FGD2: variants seen among roughly 807,000 people sequenced by gnomAD.
FGD2 encodes the protein FYVE, RhoGEF and PH domain containing 2, also known as FYVE, RhoGEF and PH domain-containing protein 2.
In FGD2, 52 loss-of-function variants were observed where a neutral mutation model predicts 75.9. That is an observed-to-expected ratio of 0.69 (90% CI 0.55 to 0.86). The LOEUF (loss-of-function observed/expected upper bound fraction) is 0.86, where lower values mean the gene tolerates loss of function less well. Ranked by LOEUF, FGD2 falls within the 40% of genes least tolerant of loss-of-function variation. The probability of loss-of-function intolerance (pLI) is 0.00; values close to 1 mark genes in which losing one functional copy is unlikely to be tolerated. For missense variants in FGD2, 790 were observed against 872.0 expected, an observed-to-expected ratio of 0.91 and a Z score of 1.18; for synonymous variants, 347 against 348.6, an observed-to-expected ratio of 1.00 and a Z score of 0.05.
At chr6:37,014,591 CCCAG>C in intron 6 of FGD2, 51 bp from the exon 7 acceptor site, 1 of 1,604,056 alleles carries the variant, frequency 6.2e-7, no homozygotes, top group Non-Finnish European at 8.5e-7. Context: ...GACCTCCTGC[CCCAG>C]CCACCAGCCC....
chr6:37,020,457 A>G (rs970578890), intron 9 of FGD2, 84 bp from the exon 10 acceptor site: 19 of 1,325,040 alleles, frequency 1.4e-5, no homozygotes, highest in Non-Finnish European at 2.0e-5. Flanking sequence ...CTTGGGCACA[A>G]TCCACCTCCC....
Position 37,022,380 on chromosome 6 carries a change from C to T in FGD2, c.1458+10C>T. 1.9e-6 allele frequency: 3 copies of T among 1,560,752 alleles called. No individual in the cohort carries two copies. The highest frequency in any genetic ancestry group is 2.6e-6 in the Non-Finnish European group (3 of 1,156,690). The stretch of plus-strand genomic sequence containing the variant: ...CCGGGCCTGCGGCTATGTGAGTACT[C>T]CTGCCAGCACTCCTGCCTCCACCTG... On this transcript the variant is annotated intron_variant, in intron 13 of 15. Coordinates refer to ENST00000274963, the MANE Select transcript of FGD2 (RefSeq NM_173558.4).
At chr6:37,019,681 G>T (rs1765469756) in intron 9 of FGD2, among the ~76,000 whole-genome samples, 1 of 152,104 alleles carries the variant, frequency 6.6e-6, no homozygotes, top group African/African-American at 2.4e-5. Flanking sequence ...TCTCACCCTT[G>T]GGGGCTGAAA....
chr6:37,019,222 C>A (rs1370425897), intron 9 of FGD2, among the ~76,000 whole-genome samples: 1 of 152,216 alleles, frequency 6.6e-6, no homozygotes, highest in Non-Finnish European at 1.5e-5. Flanking sequence ...GGCCTTTGGG[C>A]TACAGGTTTG....
chr6:37,012,307 C>T (rs1765050379), intron 4 of FGD2, among the ~76,000 whole-genome samples: 1 of 152,160 alleles, frequency 6.6e-6, no homozygotes, highest in South Asian at 2.1e-4. Context: ...TAGTTTGCCA[C>T]GAAGTCTAGG....
chr6:37,008,901 C>A lies in FGD2; in HGVS notation c.136C>A (p.Pro46Thr). Residue 46 changes from proline to threonine, a missense_variant, in exon 2 of 16, where the codon CCC becomes ACC. Pro to Thr is a conservative substitution (Grantham distance 38, BLOSUM62 -1). Transcript: ENST00000274963. Reference protein sequence around the residue: ...DVHHRPECRPPESPGPREKTN... With the variant: ...DVHHRPECRPTESPGPREKTN... ...GCATCACCGCCCTGAGTGCAGGCCT[C>A]CCGAGTCCCCAGGACCACGGGAGAA... 2 of 1,614,170 alleles carry A rather than the reference C, an allele frequency of 1.2e-6. No homozygotes were observed. The highest frequency in any genetic ancestry group is 1.7e-6 in the Non-Finnish European group (2 of 1,180,010).
intron 13 of FGD2, chr6:37,023,921 A>G (rs1765702320): frequency 6.6e-6 from 1 of 152,268 alleles, no homozygotes; most frequent in Non-Finnish European, 1.5e-5. Context: ...CTTAAGATAG[A>G]AAATATTCTG....
At chr6:37,008,264 C>T (rs569100502) in intron 1 of FGD2, among the ~76,000 whole-genome samples, 1 of 152,244 alleles carries the variant, frequency 6.6e-6, no homozygotes, top group South Asian at 2.1e-4. Flanking sequence ...ATTTGACTGG[C>T]TTGCAGAACC....
chr6:37,022,445 C>T, intron 13 of FGD2, 75 bp downstream of exon 13: 1 of 1,485,870 alleles, frequency 6.7e-7, no homozygotes, highest in Non-Finnish European at 8.9e-7. Flanking sequence ...AGGCCTCCAC[C>T]TTTCCTACCT....
intron 14 of FGD2, among the ~76,000 whole-genome samples, chr6:37,026,694 C>T (rs1255193294): frequency 2.0e-5 from 3 of 152,136 alleles, no homozygotes; most frequent in East Asian, 1.9e-4. Flanking sequence ...GAGATTCACT[C>T]CCAGGTTCAA....
Position 37,022,196 on chromosome 6 carries a change from G to A in FGD2, c.1327-43G>A, listed in dbSNP as rs1055993175. ...GCCCTGGGAGGATGGGCGGAAGAAGGTCACCAAGGGCCCATTCCTGCCCAA... is the reference window on the plus strand; with the variant it reads ...GCCCTGGGAGGATGGGCGGAAGAAGATCACCAAGGGCCCATTCCTGCCCAA... On this transcript the variant is annotated intron_variant, in intron 12 of 15. Coordinates refer to ENST00000274963, the MANE Select transcript of FGD2 (RefSeq NM_173558.4). 4 of 1,577,548 alleles carry A rather than the reference G, an allele frequency of 2.5e-6. No individual in the cohort carries two copies. The Admixed American group carries it at 5.5e-5, about 22-fold the overall frequency.
intron 1 of FGD2, among the ~76,000 whole-genome samples, chr6:37,007,519 G>A (rs1258713609): frequency 1.3e-5 from 2 of 152,252 alleles, no homozygotes; most frequent in East Asian, 3.8e-4. Context: ...CTCTGCCCAG[G>A]CAATAACCCT....
chr6:37,014,965 C>A lies in FGD2; in HGVS notation c.956C>A (p.Thr319Asn). The change falls in exon 8 of 16, where the codon ACC (threonine) becomes AAC (asparagine). Residue 319 changes from threonine to asparagine, a missense_variant. Coordinates refer to ENST00000274963, the MANE Select transcript of FGD2 (RefSeq NM_173558.4). ...LEDDIVDPSNTLLREGPVLKI... is the reference protein window; with the variant it reads ...LEDDIVDPSNNLLREGPVLKI... The stretch of plus-strand genomic sequence containing the variant: ...GACGACATAGTAGACCCCTCTAACA[C>A]CCTGCTCCGTGAGGGCCCGGTCCTC... 1 of 1,614,166 alleles carries A rather than the reference C, an allele frequency of 6.2e-7. No homozygotes were observed. The highest frequency in any genetic ancestry group is 8.5e-7 in the Non-Finnish European group (1 of 1,180,016).
In FGD2 at chr6:37,013,466, T is replaced by G. The variant is rs1418584799; in HGVS notation, c.528-143T>G. 2.1e-6 allele frequency: 3 copies of G among 1,441,360 alleles called. No individual in the cohort carries two copies. In the East Asian group the frequency reaches 7.5e-5, roughly 36 times the overall value. 89.3% of individuals were successfully genotyped at this position (1,441,360 alleles called of 1,614,324 possible). ...AGGAGTAGAGGGGCGCATGTGAGGA[T>G]GACACCCCCGTACCCCGCCCACACC... On this transcript the variant is annotated intron_variant, in intron 4 of 15. Transcript: ENST00000274963.
intron 4 of FGD2, chr6:37,012,962 C>CTGTGTGTGTGTG (rs60644967): frequency 7.9e-6 from 1 of 126,028 alleles, no homozygotes; most frequent in African/African-American, 3.0e-5. Context: ...TGGAAAAGTT[C>CTGTGTGTGTGTG]TGTGTGTGTG....
At chr6:37,019,929 T>C (rs1179378363) in intron 9 of FGD2, among the ~76,000 whole-genome samples, 1 of 149,866 alleles carries the variant, frequency 6.7e-6, no homozygotes, top group Admixed American at 6.7e-5. Context: ...CTCAGCTCAC[T>C]GCAACCTCCA....
Position 37,005,763 on chromosome 6 carries a change from G to A in FGD2, c.-55G>A. 6.3e-7 allele frequency: 1 copy of A among 1,590,140 alleles called. No individual in the cohort carries two copies. On this transcript the variant is annotated 5_prime_UTR_variant, in exon 1 of 16. An upstream open reading frame in the 5' UTR gains an earlier in-frame stop. Transcript: ENST00000274963. ...CCAGCGTGGCTGAGTGTGCTGGCTGGAGGCCTCTCTCTCTGCTTCGAGGGT... is the reference window on the plus strand; with the variant it reads ...CCAGCGTGGCTGAGTGTGCTGGCTGAAGGCCTCTCTCTCTGCTTCGAGGGT...
chr6:37,028,225 C>G lies in FGD2; in HGVS notation c.*62C>G. On this transcript the variant is annotated 3_prime_UTR_variant, in exon 16 of 16. Transcript: ENST00000274963. ...CCCTGAACCCAGCTCCTGCCACAGA[C>G]TGACCCTGTGGCCTCAGTGACCCAC... 2.1e-6 allele frequency: 3 copies of G among 1,417,772 alleles called. No individual in the cohort carries two copies. Among genetic ancestry groups the G allele is most frequent in the Non-Finnish European group, 2.8e-6 (3 of 1,068,360 alleles). The allele number at this position is 1,417,772 out of a possible 1,614,324, so 87.8% of individuals were successfully genotyped here. A position where few individuals can be genotyped will look rare whatever the true frequency, so the allele number is the denominator to read the frequency against.
At chr6:37,023,883 TAAC>T (rs1367531107) in intron 13 of FGD2, 5 of 152,216 alleles carry the variant, frequency 3.3e-5, no homozygotes, top group Non-Finnish European at 7.4e-5. Flanking sequence ...GCACAAAGAA[TAAC>T]AACACCTGTG....
Sources: gnomAD v4.1 joint callset for allele counts (sites outside exome capture counted in the v4.1 genomes callset) on GRCh38, gnomAD v4.1.1 for gene constraint, MANE v1.5 for transcripts, NCBI Gene and HGNC (gene_info 2026-07-23, HGNC 2026-07-21) for gene names.